NUF2: variants seen among roughly 807,000 people sequenced by gnomAD.
NUF2 encodes the protein NUF2 component of NDC80 kinetochore complex.
In NUF2, 34 loss-of-function variants were observed where a neutral mutation model predicts 61.8. The ratio of observed to expected loss-of-function variants is 0.55; its 90% CI spans 0.42 to 0.73. NUF2 has a LOEUF of 0.73. NUF2 is among the 30% of genes least tolerant of loss of function. The probability of loss-of-function intolerance (pLI) is 0.00; values close to 1 mark genes in which losing one functional copy is unlikely to be tolerated. For missense variants in NUF2, 445 were observed against 539.1 expected, an observed-to-expected ratio of 0.83 and a Z score of 1.73; for synonymous variants, 172 against 181.6, an observed-to-expected ratio of 0.95 and a Z score of 0.42.
chr1:163,349,269 G>C (rs929174420), intron 13 of NUF2, among the ~76,000 whole-genome samples, 189 bp downstream of exon 13: 1 of 152,024 alleles, frequency 6.6e-6, no homozygotes, highest in African/African-American at 2.4e-5. Context: ...AGTTTAATGA[G>C]AACAGGCATC....
chr1:163,339,320 T>A (rs1650863302), intron 7 of NUF2, 61 bp from the exon 8 acceptor site: 10 of 914,820 alleles, frequency 1.1e-5, no homozygotes, highest in African/African-American at 1.7e-5. Flanking sequence ...TGAGGACAGG[T>A]ATTTCATTTT....
chr1:163,355,513 T>G lies in NUF2; in HGVS notation c.*44T>G, dbSNP rs1256388298. 6.5e-7 allele frequency: 1 copy of G among 1,535,308 alleles called. No individual in the cohort carries two copies. Among genetic ancestry groups the G allele is most frequent in the African/African-American group, 1.4e-5 (1 of 71,504 alleles). On this transcript the variant is annotated 3_prime_UTR_variant, in exon 14 of 14. Transcript: ENST00000271452. Reference sequence around the variant, plus strand: ...TTTTTGTAAATGGCTTGCCATCTTTTAATTTTCTATTTAGAAAGAAAAGTT... The same window carrying G: ...TTTTTGTAAATGGCTTGCCATCTTTGAATTTTCTATTTAGAAAGAAAAGTT...
At chr1:163,328,336 TA>T in intron 4 of NUF2, 32 bp downstream of exon 4, 2 of 1,318,518 alleles carry the variant, frequency 1.5e-6, no homozygotes, top group South Asian at 2.5e-5. Context: ...TGTCTTCGTC[TA>T]CATTCGTATT....
At chr1:163,352,884 C>T (rs930761501) in intron 13 of NUF2, among the ~76,000 whole-genome samples, 1 of 151,722 alleles carries the variant, frequency 6.6e-6, no homozygotes, top group African/African-American at 2.4e-5. Context: ...AAAAAATATT[C>T]TATCTAAGCT....
chr1:163,342,796 T>C lies in NUF2; in HGVS notation c.670-937T>C, dbSNP rs79615399. 7.8e-3 allele frequency among the ~76,000 whole-genome samples: 1,190 copies of C among 152,278 alleles called. 8 individuals carry two copies. Among genetic ancestry groups the C allele is most frequent in the South Asian group, 0.013 (61 of 4,828 alleles). On this transcript the variant is annotated intron_variant, in intron 9 of 13. Transcript: ENST00000271452. ...TTGAGGTAATACTATTCCCTTCCTT[T>C]TTCCAACATCATATGCATACACATA...
intron 13 of NUF2, among the ~76,000 whole-genome samples, chr1:163,351,387 T>G (rs1651313009): frequency 6.6e-6 from 1 of 152,204 alleles, no homozygotes; most frequent in Non-Finnish European, 1.5e-5. Flanking sequence ...GCACAACTGT[T>G]ACTTTTAATT....
intron 9 of NUF2, among the ~76,000 whole-genome samples, chr1:163,343,210 C>T (rs1240782895): frequency 6.6e-6 from 1 of 152,080 alleles, no homozygotes; most frequent in African/African-American, 2.4e-5. Flanking sequence ...CTGGGAAAAC[C>T]AGGATACATT....
At chr1:163,336,557 CT>C (rs928429826) in intron 5 of NUF2, among the ~76,000 whole-genome samples, 193 bp from the exon 6 acceptor site, 19 of 150,642 alleles carry the variant, frequency 1.3e-4, no homozygotes, top group Admixed American at 2.0e-4. Context: ...AGTGGTTTAC[CT>C]TTTTTTTTAA....
At chr1:163,347,411 A>G (rs1189783147) in intron 11 of NUF2, among the ~76,000 whole-genome samples, 2 of 152,194 alleles carry the variant, frequency 1.3e-5, no homozygotes, top group Non-Finnish European at 2.9e-5. Flanking sequence ...ATGTGTATCT[A>G]CTGCTTTGAA....
chr1:163,325,615 A>G (rs573373683), intron 1 of NUF2, among the ~76,000 whole-genome samples: 198 of 152,244 alleles, frequency 1.3e-3, no homozygotes, highest in African/African-American at 4.5e-3. Context: ...TTTATGCCCT[A>G]TATTACTGTT....
intron 9 of NUF2, among the ~76,000 whole-genome samples, chr1:163,342,345 C>T (rs955396886): frequency 1.3e-4 from 20 of 151,850 alleles, no homozygotes; most frequent in Non-Finnish European, 2.5e-4. Context: ...GCACTTTGTA[C>T]TTATTAAGTT....
At chr1:163,347,132 A>G (rs1237848242) in intron 11 of NUF2, among the ~76,000 whole-genome samples, 3 of 152,172 alleles carry the variant, frequency 2.0e-5, no homozygotes. Context: ...CACTGTATCT[A>G]GGACCTATAG....
At chr1:163,342,841 G>A (rs1650992037) in intron 9 of NUF2, among the ~76,000 whole-genome samples, 1 of 152,032 alleles carries the variant, frequency 6.6e-6, no homozygotes, top group Non-Finnish European at 1.5e-5. Flanking sequence ...ATAATCATGT[G>A]TCACTGTTTT....
intron 9 of NUF2, among the ~76,000 whole-genome samples, chr1:163,341,396 G>T (rs984139299): frequency 1.1e-4 from 17 of 151,910 alleles, no homozygotes; most frequent in African/African-American, 4.1e-4. Flanking sequence ...TTTTAGTAGA[G>T]GCGGGGTTTT....
At chr1:163,352,497 G>A (rs1036388046) in intron 13 of NUF2, among the ~76,000 whole-genome samples, 1 of 152,174 alleles carries the variant, frequency 6.6e-6, no homozygotes, top group South Asian at 2.1e-4. Flanking sequence ...TATCTGCTAG[G>A]TGTCAGGCTT....
rs952670408 is a variant in NUF2, at chr1:163,353,431, T to C, written c.1261-1904T>C. On this transcript the variant is annotated intron_variant, in intron 13 of 13. Coordinates refer to ENST00000271452, the MANE Select transcript of NUF2 (RefSeq NM_145697.3). ...AATGTTCTTCTGTATTGCTGAATAC[T>C]GTAGCCAGTAGGCACATGTGGCTAT... is the stretch of plus-strand genomic sequence containing the variant. 5.9e-5 allele frequency among the ~76,000 whole-genome samples: 9 copies of C among 152,352 alleles called. No homozygotes were observed. The South Asian group carries it at 1.9e-3, about 32-fold the overall frequency.
At chr1:163,327,098 T>TCA (rs752584850) in intron 2 of NUF2, among the ~76,000 whole-genome samples, 2,703 of 33,248 alleles carry the variant, frequency 0.081, 36 homozygotes, top group Admixed American at 0.17. Flanking sequence ...TTTCCTGTGT[T>TCA]CACACACACA....
intron 1 of NUF2, among the ~76,000 whole-genome samples, chr1:163,324,507 A>C (rs1227120743): frequency 1.0e-5 from 1 of 97,396 alleles, no homozygotes; most frequent in Non-Finnish European, 2.5e-5. Context: ...TTTAACCCTA[A>C]AATTCTAAAA....
At position 163,343,676 on chromosome 1, in the gene NUF2, A is replaced by G. The variant is rs1571392734; in HGVS notation, c.670-57A>G. The G allele has an allele frequency of 3.6e-6, 3 of 840,250 alleles. No homozygotes were observed. The East Asian group carries it at 9.6e-5, about 27-fold the overall frequency. The allele number at this position is 840,250 out of a possible 1,614,324, so 52.0% of individuals were successfully genotyped here. On this transcript the variant is annotated intron_variant, in intron 9 of 13. Transcript: ENST00000271452. ...AATTTCTTTGTTCTTTCCCATTACT[A>G]GAATGGTAAATCACCAAGTTTATTA...
Sources: gnomAD v4.1 joint callset for allele counts (sites outside exome capture counted in the v4.1 genomes callset) on GRCh38, gnomAD v4.1.1 for gene constraint, MANE v1.5 for transcripts, NCBI Gene and HGNC (gene_info 2026-07-23, HGNC 2026-07-21) for gene names.